Variants in NDUFAF2 observed in about 807,000 individuals in gnomAD.
NDUFAF2 encodes the protein NADH:ubiquinone oxidoreductase complex assembly factor 2.
In NDUFAF2, 13 loss-of-function variants were observed where a neutral mutation model predicts 22.8. The ratio of observed to expected loss-of-function variants is 0.57; its 90% CI spans 0.37 to 0.91. The LOEUF is 0.91. Among genes scored for constraint, NDUFAF2 ranks in the 40% least tolerant of loss-of-function variants. NDUFAF2 has a pLI of 0.01. For missense variants in NDUFAF2, 162 were observed against 195.2 expected (o/e 0.83, Z 1.01); for synonymous variants, 53 against 64.2 (o/e 0.83, Z 0.84).
At chr5:61,053,941 T>G (rs1253018538) in intron 1 of NDUFAF2, among the ~76,000 whole-genome samples, 1 of 152,138 alleles carries the variant, frequency 6.6e-6, no homozygotes, top group Non-Finnish European at 1.5e-5. Flanking sequence ...AATTAAAAAT[T>G]TTAATTTTGG....
chr5:61,130,888 G>C (rs1297267733), intron 3 of NDUFAF2, among the ~76,000 whole-genome samples: 1 of 152,094 alleles, frequency 6.6e-6, no homozygotes, highest in Non-Finnish European at 1.5e-5. Context: ...TACCAGAAAT[G>C]GGACATTACA....
intron 1 of NDUFAF2, among the ~76,000 whole-genome samples, chr5:60,970,061 C>A (rs1046937638): frequency 4.6e-5 from 7 of 152,074 alleles, no homozygotes; most frequent in African/African-American, 7.2e-5. Flanking sequence ...TATGGGTTCT[C>A]TATTCTGTTC....
chr5:60,974,554 T>G (rs1229194329), intron 1 of NDUFAF2, among the ~76,000 whole-genome samples: 2 of 152,140 alleles, frequency 1.3e-5, no homozygotes, highest in African/African-American at 4.8e-5. Context: ...GGTTTCACCA[T>G]TTTGGCCAGG....
intron 3 of NDUFAF2, among the ~76,000 whole-genome samples, chr5:61,111,772 C>G (rs911605154): frequency 3.9e-5 from 6 of 152,018 alleles, no homozygotes; most frequent in Non-Finnish European, 8.8e-5. Flanking sequence ...GCAGGTGCCA[C>G]CACGCCCGGC....
intron 1 of NDUFAF2, among the ~76,000 whole-genome samples, chr5:61,034,232 G>A (rs1172329196): frequency 1.3e-5 from 2 of 152,152 alleles, no homozygotes; most frequent in African/African-American, 4.8e-5. Flanking sequence ...AGCAGGAGAT[G>A]GAAAAATGGC....
At chr5:61,062,454 A>G (rs1005376507) in intron 1 of NDUFAF2, among the ~76,000 whole-genome samples, 4 of 152,146 alleles carry the variant, frequency 2.6e-5, no homozygotes, top group African/African-American at 9.7e-5. Flanking sequence ...GGCTAGATCA[A>G]TCAAGCAGGA....
chr5:61,088,613 A>T (rs1467750740), intron 2 of NDUFAF2, among the ~76,000 whole-genome samples: 1 of 152,172 alleles, frequency 6.6e-6, no homozygotes, highest in Admixed American at 6.6e-5. Flanking sequence ...ACCTCAATAA[A>T]GTTAAGAGAA....
At chr5:61,019,877 A>G (rs1359546381) in intron 1 of NDUFAF2, among the ~76,000 whole-genome samples, 4 of 152,092 alleles carry the variant, frequency 2.6e-5, no homozygotes, top group Admixed American at 2.6e-4. Context: ...TCTGGAACAG[A>G]TTGTGTAAAA....
chr5:60,993,589 A>G (rs1422942494), intron 1 of NDUFAF2, among the ~76,000 whole-genome samples: 1 of 151,870 alleles, frequency 6.6e-6, no homozygotes, highest in Non-Finnish European at 1.5e-5. Context: ...TCATCATGTT[A>G]AGTGTTTAGC....
intron 3 of NDUFAF2, among the ~76,000 whole-genome samples, chr5:61,104,149 G>T (rs945734251): frequency 2.0e-5 from 3 of 152,002 alleles, no homozygotes; most frequent in African/African-American, 7.2e-5. Context: ...ATAAGTTGAG[G>T]AGCATCTGGT....
intron 1 of NDUFAF2, among the ~76,000 whole-genome samples, chr5:60,975,666 A>T (rs1192491328): frequency 1.3e-5 from 2 of 152,184 alleles, no homozygotes; most frequent in Non-Finnish European, 2.9e-5. Context: ...TTGGGATATG[A>T]GAAGGAATCA....
intron 1 of NDUFAF2, among the ~76,000 whole-genome samples, chr5:60,955,352 A>G (rs1190153640): frequency 6.6e-6 from 1 of 152,150 alleles, no homozygotes; most frequent in East Asian, 1.9e-4. Flanking sequence ...TGTTCTTGGC[A>G]TAATTGTCAA....
intron 1 of NDUFAF2, among the ~76,000 whole-genome samples, chr5:60,957,891 AAACCTGTATTTTGTGTAT>A (rs987185533): frequency 1.3e-5 from 2 of 152,188 alleles, no homozygotes; most frequent in Admixed American, 1.3e-4. Context: ...GTTTTTTGAA[AAACCTGTATTTTGTGTAT>A]AACCTGTATT....
At chr5:61,008,566 C>T (rs192081051) in intron 1 of NDUFAF2, among the ~76,000 whole-genome samples, 1 of 152,080 alleles carries the variant, frequency 6.6e-6, no homozygotes, top group African/African-American at 2.4e-5. Flanking sequence ...CAATTTCATT[C>T]CCTATAAAAT....
At chr5:61,034,277 G>A (rs1199304428) in intron 1 of NDUFAF2, among the ~76,000 whole-genome samples, 2 of 152,154 alleles carry the variant, frequency 1.3e-5, no homozygotes, top group Non-Finnish European at 2.9e-5. Flanking sequence ...GTACAGTTAT[G>A]TGTCACTTAA....
At chr5:60,994,356 G>C (rs569445378) in intron 1 of NDUFAF2, among the ~76,000 whole-genome samples, 1 of 152,310 alleles carries the variant, frequency 6.6e-6, no homozygotes, top group Admixed American at 6.5e-5. Context: ...GCCTGCTCCA[G>C]GAGTGGGAGG....
At chr5:60,967,256 T>G (rs912505386) in intron 1 of NDUFAF2, among the ~76,000 whole-genome samples, 2 of 152,038 alleles carry the variant, frequency 1.3e-5, no homozygotes, top group African/African-American at 4.8e-5. Flanking sequence ...TTAGAATTTT[T>G]TAAGAATATA....
intron 2 of NDUFAF2, among the ~76,000 whole-genome samples, chr5:61,096,460 G>C (rs1018511033): frequency 2.0e-5 from 3 of 151,646 alleles, no homozygotes; most frequent in African/African-American, 4.8e-5. Context: ...TTAGCTGGGC[G>C]TGGTGGCGAG....
chr5:61,058,321 A>G (rs1752124303), intron 1 of NDUFAF2, among the ~76,000 whole-genome samples: 1 of 152,058 alleles, frequency 6.6e-6, no homozygotes. Context: ...CTAGTGTTCA[A>G]ATTAGATTTT....
Sources: gnomAD v4.1 joint callset for allele counts (sites outside exome capture counted in the v4.1 genomes callset) on GRCh38, gnomAD v4.1.1 for gene constraint, MANE v1.5 for transcripts, NCBI Gene and HGNC (gene_info 2026-07-23, HGNC 2026-07-21) for gene names.